The following CCDC171 variants were observed in gnomAD, a reference collection of about 807,000 sequenced individuals.
CCDC171 encodes coiled-coil domain containing 171, also known as coiled-coil domain-containing protein 171.
In CCDC171, 177 loss-of-function variants were observed where a neutral mutation model predicts 168.2. The observed-to-expected ratio is 1.05, with a 90% CI of 0.93 to 1.19. CCDC171 has a LOEUF of 1.19. Ranked by LOEUF, CCDC171 falls within the 50% of genes most tolerant of loss-of-function variation. The probability of loss-of-function intolerance (pLI) is 0.00; values close to 1 mark genes in which losing one functional copy is unlikely to be tolerated. For synonymous variants in CCDC171, 687 were observed against 540.8 expected (o/e 1.27, Z -3.75); for missense variants, 1,991 against 1,539.0 (o/e 1.29, Z -4.91).
intron 6 of CCDC171, among the ~76,000 whole-genome samples, chr9:15,596,557 A>G (rs1341672105): frequency 6.6e-6 from 1 of 151,994 alleles, no homozygotes; most frequent in Admixed American, 6.6e-5. Flanking sequence ...GCCTTGTAGT[A>G]TAGTTTGAAG....
chr9:15,866,792 C>G (rs745675403), intron 23 of CCDC171, among the ~76,000 whole-genome samples: 3 of 152,006 alleles, frequency 2.0e-5, no homozygotes, highest in African/African-American at 4.8e-5. Flanking sequence ...AATTATGCTA[C>G]TAGAGTTTGA....
chr9:15,925,788 G>A (rs753484711), intron 25 of CCDC171, among the ~76,000 whole-genome samples: 6 of 151,618 alleles, frequency 4.0e-5, no homozygotes, highest in African/African-American at 7.3e-5. Context: ...CACTGACATA[G>A]ATGGTTTGAG....
intron 10 of CCDC171, among the ~76,000 whole-genome samples, chr9:15,679,611 G>A (rs1452823163): frequency 6.6e-6 from 1 of 152,120 alleles, no homozygotes; most frequent in African/African-American, 2.4e-5. Context: ...GTGCAGTGGT[G>A]CAACCCTAGC....
At chr9:15,810,075 C>G (rs1375552554) in intron 21 of CCDC171, among the ~76,000 whole-genome samples, 2 of 152,034 alleles carry the variant, frequency 1.3e-5, no homozygotes, top group African/African-American at 4.8e-5. Context: ...TCCACTAACC[C>G]CGAGCTAGAC....
the CCDC171 span, among the ~76,000 whole-genome samples, chr9:16,080,977 G>A: frequency 2.0e-5 from 3 of 152,086 alleles, no homozygotes; most frequent in Admixed American, 6.5e-5. Flanking sequence ...TGCCTATTAA[G>A]TTTATTTGCA....
rs1831509377 is a variant in CCDC171, at chr9:15,973,243, T to G, written c.*1407T>G. On this transcript the variant is annotated 3_prime_UTR_variant, in exon 26 of 26. Coordinates refer to ENST00000380701, the MANE Select transcript of CCDC171 (RefSeq NM_173550.4). ...AAGAGTCTTGATACATAATCTATTT[T>G]TTATATTATTTTTCATTATGGAATC... is the stretch of plus-strand genomic sequence containing the variant. 6.6e-6 allele frequency: 1 copy of G among 152,206 alleles called. No individual in the cohort carries two copies. Among genetic ancestry groups the G allele is most frequent in the Non-Finnish European group, 1.5e-5 (1 of 68,032 alleles). 9.4% of individuals were successfully genotyped at this position (152,206 alleles called of 1,614,324 possible).
intron 6 of CCDC171, among the ~76,000 whole-genome samples, chr9:15,621,504 T>G (rs1241941356): frequency 6.6e-6 from 1 of 152,106 alleles, no homozygotes; most frequent in Non-Finnish European, 1.5e-5. Context: ...AAGTAATTAT[T>G]AAGAGTTCAT....
chr9:15,567,994 G>C (rs1425690237), intron 2 of CCDC171, among the ~76,000 whole-genome samples: 3 of 139,644 alleles, frequency 2.1e-5, no homozygotes, highest in Non-Finnish European at 4.7e-5. Context: ...TTTTGATGCT[G>C]TTATAAATGG....
At chr9:15,871,707 A>G (rs531069052) in intron 23 of CCDC171, among the ~76,000 whole-genome samples, 12 of 151,968 alleles carry the variant, frequency 7.9e-5, no homozygotes, top group African/African-American at 2.9e-4. Flanking sequence ...GTCCTTTCTT[A>G]CTGTTCTGTG....
chr9:16,017,591 A>T (rs1368524282), intron 3 of CCDC171, among the ~76,000 whole-genome samples: 1 of 152,166 alleles, frequency 6.6e-6, no homozygotes, highest in Non-Finnish European at 1.5e-5. Context: ...ACTTACCAAA[A>T]AGCTTATACT....
chr9:15,599,931 T>G (rs1428020972), intron 6 of CCDC171, among the ~76,000 whole-genome samples: 3 of 152,040 alleles, frequency 2.0e-5, no homozygotes, highest in African/African-American at 7.3e-5. Flanking sequence ...TTCTTCCAGT[T>G]GATCGAATCG....
Position 15,813,174 on chromosome 9 carries a change from A to T in CCDC171, c.3267+28480A>T, listed in dbSNP as rs556587609. On this transcript the variant is annotated intron_variant, in intron 21 of 25. Coordinates refer to ENST00000380701, the MANE Select transcript of CCDC171 (RefSeq NM_173550.4). Reference sequence around the variant, plus strand: ...GTGTGATTGAGTTTTGGCTAATGGAATGTGAACAAAGTAATGTTTCTTACT... The same window carrying T: ...GTGTGATTGAGTTTTGGCTAATGGATTGTGAACAAAGTAATGTTTCTTACT... Among the ~76,000 whole-genome samples, 3 of 152,314 alleles carry T rather than the reference A, an allele frequency of 2.0e-5. No homozygotes were observed. The East Asian group carries it at 5.8e-4, about 29-fold the overall frequency.
At chr9:15,693,895 C>G (rs561721348) in intron 10 of CCDC171, among the ~76,000 whole-genome samples, 1 of 152,078 alleles carries the variant, frequency 6.6e-6, no homozygotes, top group Admixed American at 6.5e-5. Context: ...GTCTAAACTT[C>G]CTGTTTCTAT....
intron 11 of CCDC171, among the ~76,000 whole-genome samples, chr9:15,699,515 GT>G (rs1445617419): frequency 6.6e-6 from 1 of 152,114 alleles, no homozygotes; most frequent in African/African-American, 2.4e-5. Flanking sequence ...CAAGTGGTCT[GT>G]TTTGACAGGG....
intron 21 of CCDC171, among the ~76,000 whole-genome samples, chr9:15,819,701 T>A (rs1485784172): frequency 6.0e-5 from 7 of 116,428 alleles, no homozygotes; most frequent in East Asian, 2.1e-4. Context: ...AAGTCCTGAG[T>A]GACCTACAAA....
intron 7 of CCDC171, among the ~76,000 whole-genome samples, chr9:15,630,658 G>A (rs558857403): frequency 1.3e-5 from 2 of 152,146 alleles, no homozygotes; most frequent in Admixed American, 1.3e-4. Context: ...ATTGAACTCA[G>A]CTCTGCACCA....
At chr9:16,037,498 A>G (rs1333035173) in intron 8 of CCDC171, among the ~76,000 whole-genome samples, 1 of 152,228 alleles carries the variant, frequency 6.6e-6, no homozygotes, top group African/African-American at 2.4e-5. Flanking sequence ...ACCAGTGGAT[A>G]GAATACAGAG....
intron 25 of CCDC171, among the ~76,000 whole-genome samples, chr9:15,939,496 C>T (rs961166575): frequency 6.6e-6 from 1 of 151,750 alleles, no homozygotes; most frequent in Non-Finnish European, 1.5e-5. Flanking sequence ...AGCAGTGATT[C>T]AAAAGAGTTT....
intron 21 of CCDC171, among the ~76,000 whole-genome samples, chr9:15,821,037 A>C (rs1410718554): frequency 1.7e-5 from 2 of 117,342 alleles, no homozygotes; most frequent in Non-Finnish European, 3.8e-5. Context: ...TCAACATATG[A>C]AAATCAATAA....
Sources: gnomAD v4.1 joint callset for allele counts (sites outside exome capture counted in the v4.1 genomes callset) on GRCh38, gnomAD v4.1.1 for gene constraint, MANE v1.5 for transcripts, NCBI Gene and HGNC (gene_info 2026-07-23, HGNC 2026-07-21) for gene names.